The following ADAMTS17 variants were observed in gnomAD, a reference collection of about 807,000 sequenced individuals.
ADAMTS17 encodes the protein ADAM metallopeptidase with thrombospondin type 1 motif 17.
ADAMTS17 carries 113 observed loss-of-function variants against 141.5 expected under a neutral mutation model. That is an observed-to-expected ratio of 0.80 (90% confidence interval 0.69 to 0.93). The LOEUF (loss-of-function observed/expected upper bound fraction) is 0.93, where lower values mean the gene tolerates loss of function less well. Ranked by LOEUF, ADAMTS17 falls within the 40% of genes least tolerant of loss-of-function variation. The pLI, the probability that ADAMTS17 is intolerant of heterozygous loss-of-function variation, is 0.00. For missense variants in ADAMTS17, 1,659 were observed against 1,517.9 expected, an observed-to-expected ratio of 1.09 and a Z score of -1.54; for synonymous variants, 768 against 630.6, an observed-to-expected ratio of 1.22 and a Z score of -3.27.
intron 14 of ADAMTS17, among the ~76,000 whole-genome samples, chr15:100,101,376 T>C (rs2036089461): frequency 6.6e-6 from 1 of 152,242 alleles, no homozygotes; most frequent in Non-Finnish European, 1.5e-5. Context: ...TCCTGCTCCC[T>C]AATGAAAGCC....
intron 3 of ADAMTS17, among the ~76,000 whole-genome samples, chr15:100,288,340 C>T (rs986562776): frequency 2.6e-5 from 4 of 152,190 alleles, no homozygotes; most frequent in Non-Finnish European, 5.9e-5. Context: ...AATATATATG[C>T]ACCCAACACA....
At chr15:100,230,062 T>C (rs2042428819) in intron 7 of ADAMTS17, among the ~76,000 whole-genome samples, 1 of 152,286 alleles carries the variant, frequency 6.6e-6, no homozygotes, top group African/African-American at 2.4e-5. Context: ...TCCTAGAAGT[T>C]TCCTGGCCAA....
At chr15:99,996,360 G>A (rs1402751138) in intron 19 of ADAMTS17, among the ~76,000 whole-genome samples, 1 of 152,144 alleles carries the variant, frequency 6.6e-6, no homozygotes, top group African/African-American at 2.4e-5. Flanking sequence ...CTGGAAAGGG[G>A]AGGGGACTGA....
chr15:100,189,374 G>A (rs2040837186), intron 8 of ADAMTS17, among the ~76,000 whole-genome samples: 1 of 152,234 alleles, frequency 6.6e-6, no homozygotes, highest in Admixed American at 6.5e-5. Context: ...CAGCTGGCAG[G>A]AAGTTGGCTG....
intron 7 of ADAMTS17, among the ~76,000 whole-genome samples, chr15:100,206,674 G>A (rs528635478): frequency 1.3e-5 from 2 of 152,100 alleles, no homozygotes; most frequent in African/African-American, 4.8e-5. Flanking sequence ...GTATGTTTTG[G>A]CTAAAAATAA....
At chr15:99,991,966 G>A (rs1212056746) in intron 20 of ADAMTS17, among the ~76,000 whole-genome samples, 2 of 151,988 alleles carry the variant, frequency 1.3e-5, no homozygotes, top group African/African-American at 4.8e-5. Flanking sequence ...AGTGGGAGGT[G>A]AGCAATGAGA....
At chr15:100,056,079 G>C (rs891051126) in intron 15 of ADAMTS17, among the ~76,000 whole-genome samples, 3 of 152,118 alleles carry the variant, frequency 2.0e-5, no homozygotes, top group African/African-American at 7.2e-5. Flanking sequence ...CAAATTCTAC[G>C]CTCTGTTACA....
At chr15:100,317,860 T>C (rs1375512019) in intron 3 of ADAMTS17, among the ~76,000 whole-genome samples, 2 of 152,162 alleles carry the variant, frequency 1.3e-5, no homozygotes, top group African/African-American at 4.8e-5. Context: ...TTCTGAAACC[T>C]GAGCTCCCAA....
rs2060220111 is a variant in ADAMTS17 at position 99,972,100 on chromosome 15, A to T, written c.*2302T>A. 1 of 152,328 alleles carries T rather than the reference A, an allele frequency of 6.6e-6. No homozygotes were observed. The highest frequency in any genetic ancestry group is 1.5e-5 in the Non-Finnish European group (1 of 68,140). 9.4% of individuals were successfully genotyped at this position (152,328 alleles called of 1,614,324 possible). On this transcript the variant is annotated 3_prime_UTR_variant, in exon 22 of 22. Coordinates refer to ENST00000268070, the MANE Select transcript of ADAMTS17 (RefSeq NM_139057.4). The stretch of plus-strand genomic sequence containing the variant: ...CCCCGTCTCTAGTAAAAATACAAAA[A>T]AGTAGGTGGGCGTGGTGGTGGGCGC...
intron 2 of ADAMTS17, among the ~76,000 whole-genome samples, chr15:100,337,477 TG>T (rs2046241843): frequency 1.3e-5 from 2 of 152,234 alleles, no homozygotes; most frequent in African/African-American, 4.8e-5. Context: ...CAAGGTGGCC[TG>T]GAACGTGGAT....
intron 7 of ADAMTS17, among the ~76,000 whole-genome samples, chr15:100,231,140 T>A (rs2042468524): frequency 6.6e-6 from 1 of 152,244 alleles, no homozygotes; most frequent in Non-Finnish European, 1.5e-5. Context: ...GGAATTTAAG[T>A]ACTTTGTATC....
chr15:100,238,713 C>G (rs1323108384), intron 7 of ADAMTS17, among the ~76,000 whole-genome samples: 2 of 152,226 alleles, frequency 1.3e-5, no homozygotes, highest in African/African-American at 4.8e-5. Flanking sequence ...TAATTTCAGA[C>G]AAGAAATGTA....
Position 100,036,645 on chromosome 15 carries a change from C to T in ADAMTS17, c.2591+12212G>A, listed in dbSNP as rs550808627. Among the ~76,000 whole-genome samples, 18 of 152,328 alleles carry T rather than the reference C, an allele frequency of 1.2e-4. No homozygotes were observed. In the South Asian group the frequency reaches 2.5e-3, roughly 21 times the overall value. ...TATACCACAATGCAACCATCTGAAG[C>T]GCACAATTCAATGGTTTTCACTACA... On this transcript the variant is annotated intron_variant, in intron 18 of 21. Coordinates refer to ENST00000268070, the MANE Select transcript of ADAMTS17 (RefSeq NM_139057.4).
intron 7 of ADAMTS17, among the ~76,000 whole-genome samples, chr15:100,217,925 T>C (rs922542469): frequency 2.0e-5 from 3 of 152,224 alleles, no homozygotes; most frequent in African/African-American, 7.2e-5. Context: ...CACTGTGAAG[T>C]GCTGGACTGC....
intron 7 of ADAMTS17, among the ~76,000 whole-genome samples, chr15:100,217,032 G>A (rs1022819817): frequency 1.3e-5 from 2 of 152,122 alleles, no homozygotes; most frequent in African/African-American, 4.8e-5. Context: ...GTTTTGAAGA[G>A]GAAGAGTTGA....
chr15:99,982,397 G>A (rs1488215203), intron 20 of ADAMTS17, among the ~76,000 whole-genome samples: 1 of 152,148 alleles, frequency 6.6e-6, no homozygotes, highest in Non-Finnish European at 1.5e-5. Flanking sequence ...ACCTCAGGGA[G>A]CACAATTAGA....
intron 15 of ADAMTS17, among the ~76,000 whole-genome samples, chr15:100,070,380 C>G: frequency 6.7e-6 from 1 of 150,128 alleles, no homozygotes; most frequent in South Asian, 2.1e-4. Context: ...CTCAGCTCTG[C>G]ACCAAGTGGA....
rs998442071 is a variant in ADAMTS17 at position 100,138,764 on chromosome 15, G to C, written c.1474-5449C>G. Among the ~76,000 whole-genome samples, 4 of 152,276 alleles carry C rather than the reference G, an allele frequency of 2.6e-5. No homozygotes were observed. The South Asian group carries it at 6.2e-4, about 24-fold the overall frequency. ...CAGAACACATGCCATGTAGAATAAAGACATTCTCCACTTAGGGGCGGGAGG... is the reference window on the plus strand; with the variant it reads ...CAGAACACATGCCATGTAGAATAAACACATTCTCCACTTAGGGGCGGGAGG... On this transcript the variant is annotated intron_variant, in intron 10 of 21. Coordinates refer to ENST00000268070, the MANE Select transcript of ADAMTS17 (RefSeq NM_139057.4).
At chr15:100,226,680 A>T (rs921620533) in intron 7 of ADAMTS17, among the ~76,000 whole-genome samples, 2 of 152,220 alleles carry the variant, frequency 1.3e-5, no homozygotes, top group African/African-American at 4.8e-5. Context: ...GAGATGGACC[A>T]TAAAAGACCT....
Sources: allele counts gnomAD v4.1 joint callset (sites outside exome capture counted in the v4.1 genomes callset), GRCh38; gene constraint gnomAD v4.1.1; transcripts MANE v1.5; gene names NCBI Gene and HGNC (gene_info 2026-07-23, HGNC 2026-07-21).